The following CFAP57 variants were observed in gnomAD, a reference collection of about 807,000 sequenced individuals.
The protein encoded by CFAP57 is cilia- and flagella-associated protein 57.
CFAP57 carries 116 observed loss-of-function variants against 146.8 expected under a neutral mutation model. The ratio of observed to expected loss-of-function variants is 0.79; its 90% CI spans 0.68 to 0.92. The LOEUF (loss-of-function observed/expected upper bound fraction) is 0.92. Among genes scored for constraint, CFAP57 ranks in the 40% least tolerant of loss-of-function variants. CFAP57 has a pLI of 0.00. For synonymous variants in CFAP57, 518 were observed against 552.8 expected, an observed-to-expected ratio of 0.94 and a Z score of 0.88; for missense variants, 1,377 against 1,527.2, an observed-to-expected ratio of 0.90 and a Z score of 1.64.
intron 2 of CFAP57, 120 bp downstream of exon 2, chr1:43,173,030 T>C (rs1645037402): frequency 1.6e-5 from 14 of 860,668 alleles, no homozygotes; most frequent in Non-Finnish European, 2.5e-5. Flanking sequence ...TGCAGTATTA[T>C]AAATGTAGAG....
intron 17 of CFAP57, among the ~76,000 whole-genome samples, chr1:43,225,076 T>C (rs1645194768): frequency 2.0e-5 from 3 of 151,836 alleles, no homozygotes; most frequent in African/African-American, 7.3e-5. Context: ...TGTTTGTTTG[T>C]TTGTTTGTTT....
chr1:43,185,448 G>C, intron 5 of CFAP57, 92 bp downstream of exon 5: 1 of 1,191,140 alleles, frequency 8.4e-7, no homozygotes. Context: ...CTGATGGGGA[G>C]GGATAGGGCA....
chr1:43,221,296 A>G (rs567309516), intron 13 of CFAP57, 76 bp from the exon 14 acceptor site: 1 of 1,047,068 alleles, frequency 9.6e-7, no homozygotes, highest in African/African-American at 1.6e-5. Context: ...GGAGGGTGTT[A>G]CTTGTAAAAT....
Position 43,172,800 on chromosome 1 carries a change from C to G in CFAP57, c.47C>G (p.Ser16Cys), listed in dbSNP as rs746016812. 1.9e-6 allele frequency: 3 copies of G among 1,614,100 alleles called. No individual in the cohort carries two copies. In the Admixed American group the frequency reaches 5.0e-5, roughly 27 times the overall value. ...ACGCTGCATGTTTTTGGTCTTCGAT[C>G]CCACGTGGCCAACAATATCTTCTAC... ...AQTLHVFGLR[S>C]HVANNIFYFD... The change falls in exon 2 of 23, where the codon TCC becomes TGC. Residue 16 changes from serine to cysteine, a missense_variant. Transcript: ENST00000372492.
intron 21 of CFAP57, among the ~76,000 whole-genome samples, chr1:43,237,962 G>A (rs1645766736): frequency 6.6e-6 from 1 of 152,178 alleles, no homozygotes; most frequent in Admixed American, 6.5e-5. Context: ...AAACCCATTA[G>A]GAAATGACTG....
At chr1:43,210,252 G>C in intron 11 of CFAP57, 3 of 1,474,860 alleles carry the variant, frequency 2.0e-6, no homozygotes, top group Non-Finnish European at 2.7e-6. Flanking sequence ...TCCAGAGAAT[G>C]CCCCAGACTG....
chr1:43,222,171 A>C lies in CFAP57; in HGVS notation c.2408A>C (p.Gln803Pro). The change falls in exon 15 of 23, where the codon CAG becomes CCG. Residue 803 changes from glutamine (Q) to proline (P), a missense_variant. Physicochemically the swap from Gln to Pro is moderately conservative, Grantham distance 76. Transcript: ENST00000372492. ...EKYQELQLKS[Q>P]RMQEEYEKQL... ...TACCAGGAGCTGCAGCTCAAGTCCC[A>C]GAGGATGCAGGAAGAGTATGAAAAA... is the stretch of plus-strand genomic sequence containing the variant. 6.5e-7 allele frequency: 1 copy of C among 1,548,092 alleles called. No individual in the cohort carries two copies. Among genetic ancestry groups the C allele is most frequent in the Non-Finnish European group, 8.7e-7 (1 of 1,145,472 alleles).
At chr1:43,213,051 G>A (rs951561390) in intron 11 of CFAP57, among the ~76,000 whole-genome samples, 3 of 151,792 alleles carry the variant, frequency 2.0e-5, no homozygotes, top group Non-Finnish European at 2.9e-5. Context: ...CTCTTCCCTA[G>A]TATCTATCAT....
chr1:43,197,504 C>T (rs946894595), intron 6 of CFAP57, 49 bp from the exon 7 acceptor site: 1 of 1,613,622 alleles, frequency 6.2e-7, no homozygotes, highest in African/African-American at 1.3e-5. Context: ...ACATGTACAG[C>T]CAGCCTTTTG....
intron 16 of CFAP57, 92 bp from the exon 17 acceptor site, chr1:43,223,954 A>G: frequency 7.0e-7 from 1 of 1,420,852 alleles, no homozygotes. Flanking sequence ...GAAGGTGGCC[A>G]GTGGTGGGGA....
chr1:43,199,872 G>A lies in CFAP57; in HGVS notation c.1542+369G>A, dbSNP rs74068521. Among the ~76,000 whole-genome samples the A allele has an allele frequency of 6.0e-3, 913 of 152,338 alleles. 13 individuals are homozygous for A. The highest frequency in any genetic ancestry group is 0.02 in the African/African-American group (838 of 41,570). On this transcript the variant is annotated intron_variant, in intron 9 of 22. Coordinates refer to ENST00000372492, the MANE Select transcript of CFAP57 (RefSeq NM_001378189.1). ...GGAGACTCATAGGGTGTCAGAGAACGTGAAAGTCTGTGGGCCTGGAATGTG... is the reference window on the plus strand; with the variant it reads ...GGAGACTCATAGGGTGTCAGAGAACATGAAAGTCTGTGGGCCTGGAATGTG...
intron 4 of CFAP57, among the ~76,000 whole-genome samples, chr1:43,184,658 A>G (rs1191536628): frequency 4.6e-5 from 7 of 150,682 alleles, no homozygotes; most frequent in Non-Finnish European, 7.4e-5. Flanking sequence ...CTCAACCCCA[A>G]TGACATCCTG....
intron 2 of CFAP57, 78 bp downstream of exon 2, chr1:43,172,988 G>A (rs1645035759): frequency 4.3e-6 from 6 of 1,408,628 alleles, no homozygotes; most frequent in Non-Finnish European, 6.0e-6. Context: ...ATGATGATTG[G>A]AAAGAAAGAT....
At chr1:43,187,505 A>G (rs1176234025) in intron 6 of CFAP57, among the ~76,000 whole-genome samples, 1 of 152,128 alleles carries the variant, frequency 6.6e-6, no homozygotes, top group Non-Finnish European at 1.5e-5. Flanking sequence ...TTCACATACA[A>G]ATTGCCTATT....
chr1:43,172,372 A>C lies in CFAP57; in HGVS notation c.-101A>C. 1 of 1,551,532 alleles carries C rather than the reference A, an allele frequency of 6.4e-7. No individual in the cohort carries two copies. The highest frequency in any genetic ancestry group is 1.2e-5 in the South Asian group (1 of 84,044). On this transcript the variant is annotated 5_prime_UTR_variant, in exon 1 of 23. Coordinates refer to ENST00000372492, the MANE Select transcript of CFAP57 (RefSeq NM_001378189.1). Reference sequence around the variant, plus strand: ...GCTATAGGAACCGCTACGGCGTTTGAAAGTGTCCGGGTTGCTTAGGATCCC... The same window carrying C: ...GCTATAGGAACCGCTACGGCGTTTGCAAGTGTCCGGGTTGCTTAGGATCCC...
chr1:43,225,642 A>C (rs1026774231), intron 17 of CFAP57, among the ~76,000 whole-genome samples: 1 of 152,186 alleles, frequency 6.6e-6, no homozygotes, highest in African/African-American at 2.4e-5. Context: ...AGTCATTCTC[A>C]GCACCCTCAA....
chr1:43,180,584 A>G (rs1645364092), intron 2 of CFAP57, among the ~76,000 whole-genome samples: 1 of 152,136 alleles, frequency 6.6e-6, no homozygotes, highest in Admixed American at 6.5e-5. Context: ...CAAGTTGCTC[A>G]GCAGGCGTGC....
At chr1:43,230,571 C>A (rs917265253) in intron 18 of CFAP57, among the ~76,000 whole-genome samples, 1 of 152,186 alleles carries the variant, frequency 6.6e-6, no homozygotes, top group Admixed American at 6.5e-5. Flanking sequence ...CCTGCTCCTG[C>A]AGCCACCCTA....
intron 11 of CFAP57, among the ~76,000 whole-genome samples, chr1:43,212,941 AAAAAAAAAAG>A (rs1388640163): frequency 6.6e-6 from 1 of 151,284 alleles, no homozygotes; most frequent in Non-Finnish European, 1.5e-5. Flanking sequence ...ATCTCAAAAA[AAAAAAAAAAG>A]AAAGAAAGAA....
Sources: allele counts gnomAD v4.1 joint callset (sites outside exome capture counted in the v4.1 genomes callset), GRCh38; gene constraint gnomAD v4.1.1; transcripts MANE v1.5; gene names NCBI Gene and HGNC (gene_info 2026-07-23, HGNC 2026-07-21).